The following KIAA1328 variants were observed in gnomAD, a reference collection of about 807,000 sequenced individuals.
KIAA1328 encodes KIAA1328, also known as protein hinderin.
A neutral mutation model predicts 68.1 loss-of-function variants in KIAA1328; 52 were observed. The ratio of observed to expected loss-of-function variants is 0.76; its 90% CI spans 0.61 to 0.96. The LOEUF (loss-of-function observed/expected upper bound fraction) is 0.96, where lower values mean the gene tolerates loss of function less well. Among genes scored for constraint, KIAA1328 ranks in the 40% least tolerant of loss-of-function variants. The probability of loss-of-function intolerance (pLI) is 0.00; values close to 1 mark genes in which losing one functional copy is unlikely to be tolerated. For synonymous variants in KIAA1328, 232 were observed against 239.4 expected, an observed-to-expected ratio of 0.97 and a Z score of 0.28; for missense variants, 641 against 677.6, an observed-to-expected ratio of 0.95 and a Z score of 0.60.
At chr18:37,064,229 C>T (rs1313670215) in intron 6 of KIAA1328, among the ~76,000 whole-genome samples, 2 of 152,168 alleles carry the variant, frequency 1.3e-5, no homozygotes, top group Non-Finnish European at 2.9e-5. Flanking sequence ...TCTTCATTCT[C>T]ATTTAAATAG....
At chr18:36,885,420 A>G (rs991956374) in intron 4 of KIAA1328, 137 bp from the exon 5 acceptor site, 1 of 473,524 alleles carries the variant, frequency 2.1e-6, no homozygotes, top group Non-Finnish European at 3.7e-6. Flanking sequence ...TTTAAAAAGC[A>G]ACAACAAAAC....
At chr18:37,150,227 A>G (rs1011566362) in intron 7 of KIAA1328, among the ~76,000 whole-genome samples, 6 of 152,170 alleles carry the variant, frequency 3.9e-5, no homozygotes, top group Non-Finnish European at 4.4e-5. Context: ...AGAGACTAGA[A>G]CAGGGTGTCT....
At chr18:37,133,764 T>C (rs990418718) in intron 7 of KIAA1328, among the ~76,000 whole-genome samples, 2 of 152,016 alleles carry the variant, frequency 1.3e-5, no homozygotes. Context: ...GACCTCGTGA[T>C]CGGCCCACCT....
chr18:36,878,225 A>G (rs1296802658), intron 4 of KIAA1328, among the ~76,000 whole-genome samples: 1 of 152,112 alleles, frequency 6.6e-6, no homozygotes, highest in Non-Finnish European at 1.5e-5. Context: ...CCTGGTGGTG[A>G]CAAAATCTCT....
intron 7 of KIAA1328, among the ~76,000 whole-genome samples, chr18:37,133,476 A>ACT (rs2058571295): frequency 6.6e-6 from 1 of 151,894 alleles, no homozygotes; most frequent in Non-Finnish European, 1.5e-5. Context: ...CATGTGTTAA[A>ACT]ATTCATAGAA....
intron 7 of KIAA1328, among the ~76,000 whole-genome samples, chr18:37,080,296 A>G (rs2056906185): frequency 6.6e-6 from 1 of 152,236 alleles, no homozygotes; most frequent in Non-Finnish European, 1.5e-5. Context: ...GCATTTGACT[A>G]CAATGCAACC....
At chr18:36,953,997 T>TTTTC (rs1458709065) in intron 5 of KIAA1328, among the ~76,000 whole-genome samples, 6 of 133,492 alleles carry the variant, frequency 4.5e-5, no homozygotes, top group African/African-American at 1.3e-4. Context: ...GATTGTTTCT[T>TTTTC]TTTTTTTTTT....
At chr18:36,994,129 T>C (rs2053298570) in intron 6 of KIAA1328, among the ~76,000 whole-genome samples, 1 of 152,130 alleles carries the variant, frequency 6.6e-6, no homozygotes, top group African/African-American at 2.4e-5. Flanking sequence ...TTAATTAAAA[T>C]TAACCTAGTT....
At chr18:36,835,408 G>A (rs1454318677) in intron 3 of KIAA1328, 32 bp downstream of exon 3, 3 of 1,595,352 alleles carry the variant, frequency 1.9e-6, no homozygotes, top group Non-Finnish European at 2.6e-6. Context: ...TTTTTTCCTT[G>A]CTCTCCAGTC....
At chr18:36,969,333 T>TA (rs921563330) in intron 6 of KIAA1328, among the ~76,000 whole-genome samples, 7 of 152,034 alleles carry the variant, frequency 4.6e-5, no homozygotes, top group Non-Finnish European at 7.4e-5. Flanking sequence ...ATTTAAAAGA[T>TA]AAACGAAGCC....
chr18:36,942,673 GT>G (rs2050758071), intron 5 of KIAA1328, among the ~76,000 whole-genome samples: 1 of 152,148 alleles, frequency 6.6e-6, no homozygotes, highest in African/African-American at 2.4e-5. Flanking sequence ...TTTAATAGGA[GT>G]AACCCTTTCT....
intron 7 of KIAA1328, among the ~76,000 whole-genome samples, chr18:37,079,645 T>G (rs559697876): frequency 2.6e-5 from 4 of 152,052 alleles, no homozygotes; most frequent in African/African-American, 9.6e-5. Flanking sequence ...TTCCAGCACT[T>G]TGGGAGGCCG....
intron 7 of KIAA1328, among the ~76,000 whole-genome samples, chr18:37,124,795 G>A (rs1004510720): frequency 1.3e-5 from 2 of 151,898 alleles, no homozygotes; most frequent in African/African-American, 4.8e-5. Context: ...CAGTCCCCTC[G>A]TGCTTGTAGT....
At chr18:36,864,880 T>C (rs1352374445) in intron 4 of KIAA1328, among the ~76,000 whole-genome samples, 1 of 152,164 alleles carries the variant, frequency 6.6e-6, no homozygotes, top group Non-Finnish European at 1.5e-5. Flanking sequence ...TTAAAGCTAA[T>C]TTTTAAGTTA....
intron 7 of KIAA1328, among the ~76,000 whole-genome samples, chr18:37,107,863 A>T (rs370994193): frequency 1.1e-4 from 13 of 121,038 alleles, no homozygotes; most frequent in African/African-American, 5.0e-4. Flanking sequence ...TATTATTAAA[A>T]GGTTAAAAAA....
chr18:37,138,860 T>TG (rs1168032303), intron 7 of KIAA1328, among the ~76,000 whole-genome samples: 2 of 151,666 alleles, frequency 1.3e-5, no homozygotes, highest in Admixed American at 1.3e-4. Context: ...ATTGGATATA[T>TG]GGAAATAAAA....
intron 6 of KIAA1328, among the ~76,000 whole-genome samples, chr18:36,973,552 A>G (rs2052328196): frequency 6.6e-6 from 1 of 152,124 alleles, no homozygotes; most frequent in African/African-American, 2.4e-5. Context: ...ATTGTAGCCC[A>G]GATGCTACTA....
intron 7 of KIAA1328, among the ~76,000 whole-genome samples, chr18:37,134,448 T>G (rs2058596782): frequency 6.6e-6 from 1 of 152,150 alleles, no homozygotes; most frequent in Non-Finnish European, 1.5e-5. Flanking sequence ...AAACAATATA[T>G]TTTTATGAAA....
At chr18:37,074,768 C>A in intron 7 of KIAA1328, 1 of 163,412 alleles carries the variant, frequency 6.1e-6, no homozygotes, top group Non-Finnish European at 1.3e-5. Context: ...GTAGTTTGAT[C>A]ATCTGAATCC....
Sources: gnomAD v4.1 joint callset for allele counts (sites outside exome capture counted in the v4.1 genomes callset) on GRCh38, gnomAD v4.1.1 for gene constraint, MANE v1.5 for transcripts, NCBI Gene and HGNC (gene_info 2026-07-23, HGNC 2026-07-21) for gene names.